DLG2: variants seen among roughly 807,000 people sequenced by gnomAD.
DLG2 encodes discs large MAGUK scaffold protein 2.
In DLG2, 45 loss-of-function variants were observed where a neutral mutation model predicts 132.5. That is an observed-to-expected ratio of 0.34 (90% CI 0.27 to 0.44). DLG2 has a LOEUF of 0.44. Ranked by LOEUF, DLG2 falls within the 20% of genes least tolerant of loss-of-function variation. DLG2 has a pLI of 1.00. For missense variants in DLG2, 1,045 were observed against 1,196.9 expected, an observed-to-expected ratio of 0.87 and a Z score of 1.87; for synonymous variants, 424 against 419.6, an observed-to-expected ratio of 1.01 and a Z score of -0.13.
chr11:84,360,609 C>T (rs7947801), intron 7 of DLG2, among the ~76,000 whole-genome samples: 8,074 of 151,962 alleles, frequency 0.053, 717 homozygotes, highest in African/African-American at 0.18. Context: ...CAAACAGAGT[C>T]TAGTTTCTCC....
At position 83,673,097 on chromosome 11, in the gene DLG2, A is replaced by C. The variant is rs1047066650; in HGVS notation, c.1826-39772T>G. Among the ~76,000 whole-genome samples the C allele has an allele frequency of 3.3e-5, 5 of 152,148 alleles. No homozygotes were observed. In the East Asian group the frequency reaches 5.8e-4, roughly 18 times the overall value. ...AACAAAGCAAAACAAAACAAACAAA[A>C]AAAACTCTCTGTGAGGTATTTTAGT... On this transcript the variant is annotated intron_variant, in intron 18 of 27. Transcript: ENST00000376104.
At chr11:85,381,246 T>C (rs937521825) in intron 3 of DLG2, among the ~76,000 whole-genome samples, 2 of 152,182 alleles carry the variant, frequency 1.3e-5, no homozygotes, top group African/African-American at 4.8e-5. Context: ...AGCCAGAAAT[T>C]CAGATTTTTG....
intron 10 of DLG2, among the ~76,000 whole-genome samples, chr11:84,071,232 C>T (rs994806702): frequency 7.2e-5 from 11 of 151,994 alleles, no homozygotes; most frequent in Non-Finnish European, 4.4e-5. Flanking sequence ...GTTGGAACTA[C>T]GAGTGCACAC....
At chr11:83,742,855 A>G (rs560396732) in intron 18 of DLG2, among the ~76,000 whole-genome samples, 2 of 152,316 alleles carry the variant, frequency 1.3e-5, no homozygotes, top group East Asian at 3.9e-4. Context: ...AATTCATTCA[A>G]TTAAATTTAA....
At chr11:84,158,153 T>A (rs1212395050) in intron 9 of DLG2, among the ~76,000 whole-genome samples, 3 of 152,164 alleles carry the variant, frequency 2.0e-5, no homozygotes, top group Admixed American at 6.5e-5. Context: ...AAGCTCTGCC[T>A]CCCAGGTTCA....
intron 7 of DLG2, among the ~76,000 whole-genome samples, chr11:84,314,972 C>A (rs1286764575): frequency 6.6e-6 from 1 of 151,994 alleles, no homozygotes; most frequent in Non-Finnish European, 1.5e-5. Context: ...ATTGAAAATC[C>A]TAAAAGATAT....
At chr11:83,889,125 G>T (rs1270562795) in intron 15 of DLG2, among the ~76,000 whole-genome samples, 1 of 152,066 alleles carries the variant, frequency 6.6e-6, no homozygotes, top group African/African-American at 2.4e-5. Flanking sequence ...TTAAACTAAA[G>T]AGCTTCTGCA....
intron 3 of DLG2, among the ~76,000 whole-genome samples, chr11:85,502,733 G>C (rs955049304): frequency 2.0e-5 from 3 of 151,962 alleles, no homozygotes; most frequent in Admixed American, 6.6e-5. Context: ...TGGGTTGATA[G>C]GTGCGGCAAA....
chr11:83,769,844 C>A (rs1315217308), intron 18 of DLG2, among the ~76,000 whole-genome samples: 5 of 152,142 alleles, frequency 3.3e-5, no homozygotes, highest in African/African-American at 1.2e-4. Context: ...GGATTACAGG[C>A]GTGAGCCACT....
At chr11:85,499,958 G>C (rs527674794) in intron 3 of DLG2, among the ~76,000 whole-genome samples, 2 of 152,166 alleles carry the variant, frequency 1.3e-5, no homozygotes, top group South Asian at 4.2e-4. Context: ...AATATAATAA[G>C]AGCTATTTAT....
intron 19 of DLG2, among the ~76,000 whole-genome samples, chr11:83,603,450 C>T (rs1358534054): frequency 1.3e-5 from 2 of 152,050 alleles, no homozygotes; most frequent in Non-Finnish European, 2.9e-5. Flanking sequence ...ATTTTATTAA[C>T]AGTATCAGTA....
intron 6 of DLG2, among the ~76,000 whole-genome samples, chr11:84,740,871 C>A (rs1283077306): frequency 6.6e-6 from 1 of 152,048 alleles, no homozygotes; most frequent in African/African-American, 2.4e-5. Context: ...CCCAGGTCAA[C>A]AAAATGGCTA....
At chr11:85,204,884 T>C (rs2081755227) in intron 4 of DLG2, among the ~76,000 whole-genome samples, 3 of 152,014 alleles carry the variant, frequency 2.0e-5, no homozygotes, top group Non-Finnish European at 4.4e-5. Context: ...TCCACACATT[T>C]ACAGTCAACT....
At chr11:84,914,686 C>A (rs930117725) in intron 6 of DLG2, among the ~76,000 whole-genome samples, 18 of 152,196 alleles carry the variant, frequency 1.2e-4, no homozygotes, top group Non-Finnish European at 2.4e-4. Flanking sequence ...CAAAGCAGTC[C>A]TTTCGAGGCA....
At chr11:85,214,609 A>G (rs1025999037) in intron 4 of DLG2, among the ~76,000 whole-genome samples, 4 of 152,134 alleles carry the variant, frequency 2.6e-5, no homozygotes, top group African/African-American at 9.7e-5. Context: ...TTTGCAGTAT[A>G]TGTTTCCCCT....
At chr11:85,586,361 T>G (rs2078971799) in intron 3 of DLG2, among the ~76,000 whole-genome samples, 1 of 151,838 alleles carries the variant, frequency 6.6e-6, no homozygotes, top group Non-Finnish European at 1.5e-5. Flanking sequence ...TGGTAACTTT[T>G]TAATTACTCT....
chr11:84,141,394 A>T (rs2094839720), intron 9 of DLG2, among the ~76,000 whole-genome samples: 1 of 152,042 alleles, frequency 6.6e-6, no homozygotes, highest in Non-Finnish European at 1.5e-5. Flanking sequence ...ATGCATACAT[A>T]TATTTGTACA....
chr11:83,687,085 T>C (rs563961215), intron 18 of DLG2, among the ~76,000 whole-genome samples: 47 of 152,266 alleles, frequency 3.1e-4, no homozygotes, highest in African/African-American at 9.6e-4. Context: ...ACCCAAAAAC[T>C]ACCACAAGGC....
At chr11:83,825,128 T>TAC (rs1291937371) in intron 17 of DLG2, among the ~76,000 whole-genome samples, 53 of 90,906 alleles carry the variant, frequency 5.8e-4, no homozygotes, top group South Asian at 1.2e-3. Flanking sequence ...TACACATATA[T>TAC]ATATACACAC....
Sources: allele counts gnomAD v4.1 joint callset (sites outside exome capture counted in the v4.1 genomes callset), GRCh38; gene constraint gnomAD v4.1.1; transcripts MANE v1.5; gene names NCBI Gene and HGNC (gene_info 2026-07-23, HGNC 2026-07-21).